The following ANKS1B variants were observed in gnomAD, a reference collection of about 807,000 sequenced individuals.
ANKS1B encodes ankyrin repeat and sterile alpha motif domain containing 1B, also known as ankyrin repeat and sterile alpha motif domain-containing protein 1B.
ANKS1B carries 36 observed loss-of-function variants against 148.3 expected under a neutral mutation model. The ratio of observed to expected loss-of-function variants is 0.24; its 90% CI spans 0.19 to 0.32. The LOEUF is 0.32. Among genes scored for constraint, ANKS1B ranks in the 10% least tolerant of loss-of-function variants. ANKS1B has a pLI of 1.00. For synonymous variants in ANKS1B, 542 were observed against 560.8 expected (o/e 0.97, Z 0.47); for missense variants, 1,157 against 1,542.6 (o/e 0.75, Z 4.19).
intron 10 of ANKS1B, among the ~76,000 whole-genome samples, chr12:99,455,882 C>T (rs1279991041): frequency 6.6e-6 from 1 of 152,064 alleles, no homozygotes; most frequent in Non-Finnish European, 1.5e-5. Context: ...ACTCTATGGC[C>T]CCACCCACGG....
intron 17 of ANKS1B, among the ~76,000 whole-genome samples, chr12:98,948,260 T>C (rs1390907300): frequency 6.6e-6 from 1 of 152,228 alleles, no homozygotes; most frequent in Non-Finnish European, 1.5e-5. Context: ...CTTTCTTGTC[T>C]TTCTGAATTA....
At chr12:99,115,240 T>C (rs1251631114) in intron 15 of ANKS1B, among the ~76,000 whole-genome samples, 2 of 152,094 alleles carry the variant, frequency 1.3e-5, no homozygotes, top group East Asian at 3.9e-4. Context: ...CAATGACAGA[T>C]GGAATGAAGA....
intron 12 of ANKS1B, among the ~76,000 whole-genome samples, chr12:99,271,092 C>T (rs2076990806): frequency 6.6e-6 from 1 of 152,218 alleles, no homozygotes; most frequent in Non-Finnish European, 1.5e-5. Context: ...ATCTCTCTGG[C>T]ATAACATTCA....
In ANKS1B at chr12:99,659,422, A is replaced by G. The variant is rs986010270; in HGVS notation, c.1129-4212T>C. On this transcript the variant is annotated intron_variant, in intron 8 of 26. Coordinates refer to ENST00000683438, the MANE Select transcript of ANKS1B (RefSeq NM_001352186.2). ...CTACTATAAAAAAAAATAGACCTAA[A>G]TCTATACAGTTTGAACCCATTAGCT... Among the ~76,000 whole-genome samples the G allele has an allele frequency of 3.3e-5, 5 of 152,152 alleles. No homozygotes were observed. The South Asian group carries it at 1.0e-3, about 32-fold the overall frequency.
At position 99,573,369 on chromosome 12, in the gene ANKS1B, T is replaced by C. The variant is rs1257254199; in HGVS notation, c.1273-68728A>G. 3.9e-5 allele frequency among the ~76,000 whole-genome samples: 6 copies of C among 152,140 alleles called. No homozygotes were observed. The East Asian group carries it at 9.6e-4, about 24-fold the overall frequency. ...AGACATACATTGACATATGAGATGA[T>C]TGATTTTTTTAAAAAATTGGTATTA... On this transcript the variant is annotated intron_variant, in intron 9 of 26. Transcript: ENST00000683438.
intron 15 of ANKS1B, among the ~76,000 whole-genome samples, chr12:99,133,009 T>G (rs2066619440): frequency 6.6e-6 from 1 of 151,378 alleles, no homozygotes; most frequent in Non-Finnish European, 1.5e-5. Context: ...CTCTTAAGTA[T>G]ATGGCAACAT....
chr12:99,613,930 T>A (rs977322158), intron 9 of ANKS1B, among the ~76,000 whole-genome samples: 2 of 151,908 alleles, frequency 1.3e-5, no homozygotes, highest in African/African-American at 4.8e-5. Context: ...ATACTCCAAA[T>A]TAAATTTACC....
At chr12:98,889,694 T>C (rs75747114) in intron 17 of ANKS1B, among the ~76,000 whole-genome samples, 11,649 of 152,284 alleles carry the variant, frequency 0.076, 819 homozygotes, top group African/African-American at 0.19. Flanking sequence ...TTATTGTGTA[T>C]AACTTCATCC....
chr12:98,846,529 G>C (rs1361098924), intron 17 of ANKS1B, among the ~76,000 whole-genome samples: 3 of 152,220 alleles, frequency 2.0e-5, no homozygotes, highest in Non-Finnish European at 2.9e-5. Flanking sequence ...CTGTGCAGTG[G>C]ATGAGCCGAA....
chr12:99,317,548 T>G (rs995559820), intron 12 of ANKS1B, among the ~76,000 whole-genome samples: 1 of 152,218 alleles, frequency 6.6e-6, no homozygotes, highest in Non-Finnish European at 1.5e-5. Flanking sequence ...GCTTATCAGC[T>G]TAAGGAGATT....
chr12:99,240,061 C>A (rs577256518), intron 14 of ANKS1B, among the ~76,000 whole-genome samples: 13 of 152,188 alleles, frequency 8.5e-5, no homozygotes, highest in African/African-American at 2.9e-4. Flanking sequence ...TCAAAGATAA[C>A]AATATTAACC....
intron 12 of ANKS1B, among the ~76,000 whole-genome samples, chr12:99,276,310 A>G (rs1215613366): frequency 6.6e-6 from 1 of 152,214 alleles, no homozygotes; most frequent in Non-Finnish European, 1.5e-5. Context: ...AACTCCTAGT[A>G]GCTTAGTGAC....
intron 25 of ANKS1B, among the ~76,000 whole-genome samples, chr12:98,754,639 A>G (rs550285198): frequency 6.6e-6 from 1 of 152,336 alleles, no homozygotes; most frequent in East Asian, 1.9e-4. Flanking sequence ...TTCCTTTACC[A>G]TTAACCTAAA....
intron 2 of ANKS1B, among the ~76,000 whole-genome samples, chr12:99,816,197 T>C (rs1252160192): frequency 6.6e-6 from 1 of 151,914 alleles, no homozygotes; most frequent in Non-Finnish European, 1.5e-5. Flanking sequence ...AGGAGTAAAG[T>C]GGTAGCTCAT....
At chr12:98,822,440 T>A (rs1165307293) in intron 19 of ANKS1B, among the ~76,000 whole-genome samples, 1 of 152,148 alleles carries the variant, frequency 6.6e-6, no homozygotes, top group African/African-American at 2.4e-5. Flanking sequence ...TCTGAAAATT[T>A]AACAAGTGGA....
chr12:99,750,046 A>G (rs1269290392), intron 8 of ANKS1B, among the ~76,000 whole-genome samples: 1 of 152,134 alleles, frequency 6.6e-6, no homozygotes, highest in African/African-American at 2.4e-5. Flanking sequence ...AATCAATAAC[A>G]TTCTATCTCA....
intron 8 of ANKS1B, among the ~76,000 whole-genome samples, chr12:99,679,472 T>A (rs1400919993): frequency 6.6e-6 from 1 of 152,052 alleles, no homozygotes; most frequent in Non-Finnish European, 1.5e-5. Context: ...CACACCCAGA[T>A]AATTTTTTTT....
chr12:99,339,939 T>A (rs73383346), intron 12 of ANKS1B, among the ~76,000 whole-genome samples: 1 of 152,274 alleles, frequency 6.6e-6, no homozygotes, highest in African/African-American at 2.4e-5. Flanking sequence ...TGAGGGTCAC[T>A]GAAATGTTCT....
intron 15 of ANKS1B, among the ~76,000 whole-genome samples, chr12:99,133,199 A>T (rs1158997469): frequency 6.6e-6 from 1 of 151,730 alleles, no homozygotes; most frequent in East Asian, 1.9e-4. Flanking sequence ...TTACAGGAAC[A>T]TGCCACCACG....
Sources: allele counts gnomAD v4.1 joint callset (sites outside exome capture counted in the v4.1 genomes callset), GRCh38; gene constraint gnomAD v4.1.1; transcripts MANE v1.5; gene names NCBI Gene and HGNC (gene_info 2026-07-23, HGNC 2026-07-21).